KIF6: variants seen among roughly 807,000 people sequenced by gnomAD.
The protein encoded by KIF6 is kinesin-like protein KIF6.
A neutral mutation model predicts 112.7 loss-of-function variants in KIF6; 106 were observed. The ratio of observed to expected loss-of-function variants is 0.94; its 90% CI spans 0.80 to 1.11. KIF6 has a LOEUF of 1.11. Among genes scored for constraint, KIF6 ranks in the 50% least tolerant of loss-of-function variants. The pLI, the probability that KIF6 is intolerant of heterozygous loss-of-function variation, is 0.00. For synonymous variants in KIF6, 339 were observed against 339.9 expected (o/e 1.00, Z 0.03); for missense variants, 929 against 964.0 (o/e 0.96, Z 0.48).
intron 13 of KIF6, among the ~76,000 whole-genome samples, chr6:39,476,531 G>A (rs1049799322): frequency 3.9e-4 from 60 of 152,292 alleles, no homozygotes; most frequent in African/African-American, 1.4e-3. Flanking sequence ...AAGGAGCTGG[G>A]CTCTGGGTGG....
intron 10 of KIF6, among the ~76,000 whole-genome samples, chr6:39,574,017 G>A (rs1179951128): frequency 6.6e-6 from 1 of 152,172 alleles, no homozygotes; most frequent in East Asian, 1.9e-4. Flanking sequence ...AGGATCTGTT[G>A]AGGTTGACAT....
intron 22 of KIF6, among the ~76,000 whole-genome samples, chr6:39,337,627 A>G (rs1479067774): frequency 1.3e-5 from 2 of 152,068 alleles, no homozygotes; most frequent in East Asian, 3.9e-4. Flanking sequence ...CATGGTTTTC[A>G]TTGATGCTCC....
At chr6:39,467,112 A>G (rs1773839644) in intron 13 of KIF6, among the ~76,000 whole-genome samples, 1 of 152,206 alleles carries the variant, frequency 6.6e-6, no homozygotes, top group Admixed American at 6.5e-5. Context: ...AACAGAGACT[A>G]TGAGGAAGTT....
chr6:39,401,485 G>A (rs1768697097), intron 15 of KIF6, among the ~76,000 whole-genome samples: 1 of 152,158 alleles, frequency 6.6e-6, no homozygotes, highest in Non-Finnish European at 1.5e-5. Context: ...TCCACTATGG[G>A]CAATTGGAGC....
At chr6:39,424,860 C>A (rs1162443194) in intron 14 of KIF6, among the ~76,000 whole-genome samples, 1 of 152,174 alleles carries the variant, frequency 6.6e-6, no homozygotes, top group Non-Finnish European at 1.5e-5. Context: ...AGGATCTCTG[C>A]AAGTCAATGG....
chr6:39,511,770 G>A (rs112608824), intron 13 of KIF6, among the ~76,000 whole-genome samples: 291 of 152,304 alleles, frequency 1.9e-3, no homozygotes, highest in African/African-American at 5.8e-3. Flanking sequence ...CCATAAAACA[G>A]GATGAGTTCA....
intron 3 of KIF6, among the ~76,000 whole-genome samples, chr6:39,698,732 T>G (rs1422954995): frequency 6.6e-6 from 1 of 152,202 alleles, no homozygotes; most frequent in Non-Finnish European, 1.5e-5. Flanking sequence ...ATTTTCTTAT[T>G]TTACAACTGT....
At chr6:39,632,909 C>A (rs148740721) in intron 5 of KIF6, among the ~76,000 whole-genome samples, 1 of 151,960 alleles carries the variant, frequency 6.6e-6, no homozygotes, top group Non-Finnish European at 1.5e-5. Flanking sequence ...CATGAGCCAC[C>A]GCGCCTGGCC....
chr6:39,415,187 AAAAC>A lies in KIF6; in HGVS notation c.1810+4757_1810+4760del, dbSNP rs371763508. On this transcript the variant is annotated intron_variant, in intron 15 of 22. Coordinates refer to ENST00000287152, the MANE Select transcript of KIF6 (RefSeq NM_145027.6). ...GGATGACAGAGTGAAACTCTGTCTC[AAAAC>A]AAACAAACAAAGAAACAAAACCTAT... 5.3e-5 allele frequency among the ~76,000 whole-genome samples: 8 copies of A among 152,024 alleles called. No homozygotes were observed. The South Asian group carries it at 6.2e-4, about 12-fold the overall frequency.
intron 13 of KIF6, among the ~76,000 whole-genome samples, chr6:39,511,348 T>C (rs1272247272): frequency 1.3e-5 from 2 of 152,212 alleles, no homozygotes; most frequent in African/African-American, 4.8e-5. Context: ...AAAATGCTCG[T>C]CATTACTGGT....
intron 13 of KIF6, among the ~76,000 whole-genome samples, chr6:39,487,640 A>G (rs942547994): frequency 1.3e-5 from 2 of 152,212 alleles, no homozygotes; most frequent in Non-Finnish European, 2.9e-5. Flanking sequence ...TTAAGAAAAG[A>G]AGAAAGTGTT....
chr6:39,353,910 G>T, intron 19 of KIF6: 1 of 569,488 alleles, frequency 1.8e-6, no homozygotes, highest in Non-Finnish European at 3.2e-6. Flanking sequence ...GGAGCTAAGT[G>T]TGATGCCCAG....
chr6:39,697,525 T>C (rs1289226659), intron 3 of KIF6, among the ~76,000 whole-genome samples: 1 of 139,304 alleles, frequency 7.2e-6, no homozygotes, highest in African/African-American at 2.7e-5. Flanking sequence ...AGACTAACCA[T>C]TTTTCTTTAT....
At chr6:39,367,105 T>A (rs890649568) in intron 16 of KIF6, among the ~76,000 whole-genome samples, 1 of 152,098 alleles carries the variant, frequency 6.6e-6, no homozygotes, top group African/African-American at 2.4e-5. Flanking sequence ...CTGCCCAAGG[T>A]GATGTCTGCT....
rs1375451830 is a variant in KIF6, at chr6:39,330,416, G to T, written c.*6116C>A. On this transcript the variant is annotated 3_prime_UTR_variant, in exon 23 of 23. Coordinates refer to ENST00000287152, the MANE Select transcript of KIF6 (RefSeq NM_145027.6). Reference sequence around the variant, plus strand: ...TTTAGCAAAGCATGTCAAAGCACAGGTTACCCCCAAAACATGGGGCTGAAG... The same window carrying T: ...TTTAGCAAAGCATGTCAAAGCACAGTTTACCCCCAAAACATGGGGCTGAAG... 1 of 152,246 alleles carries T rather than the reference G, an allele frequency of 6.6e-6. No homozygotes were observed. The highest frequency in any genetic ancestry group is 1.9e-4 in the East Asian group (1 of 5,194). The allele number at this position is 152,246 out of a possible 1,614,324, so 9.4% of individuals were successfully genotyped here. A position where few individuals can be genotyped will look rare whatever the true frequency, so the allele number is the denominator to read the frequency against.
At chr6:39,339,904 A>G (rs1763228268) in intron 22 of KIF6, among the ~76,000 whole-genome samples, 1 of 152,206 alleles carries the variant, frequency 6.6e-6, no homozygotes, top group South Asian at 2.1e-4. Flanking sequence ...GCTGACAGTC[A>G]CAAATTCCCC....
At position 39,452,439 on chromosome 6, in the gene KIF6, T is replaced by C. The variant is rs143613871; in HGVS notation, c.1646-21278A>G. 1.9e-3 allele frequency among the ~76,000 whole-genome samples: 283 copies of C among 152,376 alleles called. 3 individuals carry two copies. Among genetic ancestry groups the C allele is most frequent in the African/African-American group, 6.7e-3 (279 of 41,586 alleles). On this transcript the variant is annotated intron_variant, in intron 13 of 22. Coordinates refer to ENST00000287152, the MANE Select transcript of KIF6 (RefSeq NM_145027.6). ...CCTTTCACTTCATTGGGTTCACTAA[T>C]GAGCTTTTGGTTGCCTTGAGCAATA...
intron 16 of KIF6, among the ~76,000 whole-genome samples, chr6:39,382,791 T>G (rs1767066204): frequency 6.6e-6 from 1 of 152,114 alleles, no homozygotes; most frequent in Non-Finnish European, 1.5e-5. Context: ...ACCAGCAGTG[T>G]ATAAATATAC....
intron 19 of KIF6, among the ~76,000 whole-genome samples, chr6:39,347,374 A>G (rs1450041567): frequency 6.6e-6 from 1 of 152,194 alleles, no homozygotes; most frequent in Non-Finnish European, 1.5e-5. Context: ...AGCTCATTAG[A>G]TGCAGCTGTG....
Sources: allele counts gnomAD v4.1 joint callset (sites outside exome capture counted in the v4.1 genomes callset), GRCh38; gene constraint gnomAD v4.1.1; transcripts MANE v1.5; gene names NCBI Gene and HGNC (gene_info 2026-07-23, HGNC 2026-07-21).